The following SPICE1 variants were observed in gnomAD, a reference collection of about 807,000 sequenced individuals.
SPICE1 encodes spindle and centriole-associated protein 1.
Under a neutral mutation model 102.7 loss-of-function variants are expected in SPICE1, and 75 were observed. The ratio of observed to expected loss-of-function variants is 0.73; its 90% confidence interval spans 0.61 to 0.88. SPICE1 has a LOEUF of 0.88. Ranked by LOEUF, SPICE1 falls within the 40% of genes least tolerant of loss-of-function variation. The probability of loss-of-function intolerance (pLI) is 0.00; values close to 1 mark genes in which losing one functional copy is unlikely to be tolerated. For missense variants in SPICE1, 979 were observed against 1,020.1 expected (o/e 0.96, Z 0.55); for synonymous variants, 308 against 350.3 (o/e 0.88, Z 1.35).
intron 1 of SPICE1, among the ~76,000 whole-genome samples, chr3:113,511,199 T>C (rs1335552074): frequency 6.6e-6 from 1 of 152,224 alleles, no homozygotes; most frequent in Non-Finnish European, 1.5e-5. Flanking sequence ...GAAGACAGTG[T>C]GGCGATTCCT....
intron 11 of SPICE1, among the ~76,000 whole-genome samples, chr3:113,463,515 A>C (rs554093025): frequency 1.3e-5 from 2 of 152,364 alleles, no homozygotes; most frequent in Non-Finnish European, 2.9e-5. Flanking sequence ...AAATAACCCA[A>C]ATGTTCATTA....
At chr3:113,501,028 A>G (rs1004929275) in intron 3 of SPICE1, among the ~76,000 whole-genome samples, 1 of 152,228 alleles carries the variant, frequency 6.6e-6, no homozygotes, top group African/African-American at 2.4e-5. Flanking sequence ...AAACGACAGT[A>G]ATCAAGACAA....
At chr3:113,470,590 C>T (rs535430640) in intron 7 of SPICE1, among the ~76,000 whole-genome samples, 1 of 152,296 alleles carries the variant, frequency 6.6e-6, no homozygotes, top group South Asian at 2.1e-4. Flanking sequence ...TACAGACTAC[C>T]TTTCTCAGCC....
intron 1 of SPICE1, among the ~76,000 whole-genome samples, chr3:113,510,240 A>G (rs1459169264): frequency 1.3e-5 from 2 of 152,242 alleles, no homozygotes; most frequent in Non-Finnish European, 2.9e-5. Context: ...TTAAACTACC[A>G]TTAACATCTT....
chr3:113,493,343 G>T, intron 5 of SPICE1, 31 bp from the exon 6 acceptor site: 1 of 1,566,096 alleles, frequency 6.4e-7, no homozygotes, highest in Non-Finnish European at 8.8e-7. Context: ...GTGATGATTT[G>T]TTTCATTTAA....
chr3:113,477,679 T>C (rs573360426), intron 7 of SPICE1, among the ~76,000 whole-genome samples: 7 of 150,218 alleles, frequency 4.7e-5, no homozygotes, highest in East Asian at 2.0e-4. Flanking sequence ...AGTAAACTAT[T>C]GCAAGGACAA....
At chr3:113,476,153 G>C (rs1936340319) in intron 7 of SPICE1, among the ~76,000 whole-genome samples, 1 of 151,472 alleles carries the variant, frequency 6.6e-6, no homozygotes, top group African/African-American at 2.4e-5. Flanking sequence ...AGACAAAAGA[G>C]AGCCAAATCA....
chr3:113,498,523 C>G (rs1936943637), intron 4 of SPICE1, among the ~76,000 whole-genome samples: 1 of 152,156 alleles, frequency 6.6e-6, no homozygotes, highest in African/African-American at 2.4e-5. Flanking sequence ...TCCAAGATCA[C>G]CAAAAGATAC....
At chr3:113,471,627 A>G (rs934028672) in intron 7 of SPICE1, among the ~76,000 whole-genome samples, 1 of 152,378 alleles carries the variant, frequency 6.6e-6, no homozygotes, top group South Asian at 2.1e-4. Context: ...AATTGTAGCT[A>G]TAAGACAAAA....
intron 16 of SPICE1, among the ~76,000 whole-genome samples, chr3:113,447,623 A>T (rs1016892492): frequency 2.0e-5 from 3 of 152,202 alleles, no homozygotes; most frequent in African/African-American, 7.2e-5. Flanking sequence ...GTAGAGACAG[A>T]AAGGCCAGGT....
At chr3:113,486,865 A>G (rs1224448095) in intron 7 of SPICE1, among the ~76,000 whole-genome samples, 1 of 80,276 alleles carries the variant, frequency 1.2e-5, no homozygotes, top group Non-Finnish European at 2.5e-5. Flanking sequence ...ATAAGGAGAT[A>G]TATATATATA....
At chr3:113,485,175 TG>T (rs984665017) in intron 7 of SPICE1, among the ~76,000 whole-genome samples, 3 of 149,310 alleles carry the variant, frequency 2.0e-5, no homozygotes, top group Middle Eastern at 3.4e-3. Context: ...GAGTTTTGTT[TG>T]TTTTTTTTTT....
chr3:113,473,565 C>A (rs1936260921), intron 7 of SPICE1, among the ~76,000 whole-genome samples: 1 of 152,172 alleles, frequency 6.6e-6, no homozygotes, highest in Non-Finnish European at 1.5e-5. Context: ...AAAGGGAAGA[C>A]CATCAGACTA....
rs764979288 is a variant in SPICE1, at chr3:113,457,101, A to G, written c.1657+35T>C. On this transcript the variant is annotated intron_variant, in intron 13 of 17. Transcript: ENST00000295872. ...TACATTGCACAAATGAAACATTAAA[A>G]AACAACTTTCATGTAACTTTAGAAG... The G allele has an allele frequency of 3.8e-6, 6 of 1,595,014 alleles. No homozygotes were observed. In the South Asian group the frequency reaches 5.6e-5, roughly 15 times the overall value.
At chr3:113,473,378 G>C (rs1247302442) in intron 7 of SPICE1, among the ~76,000 whole-genome samples, 1 of 152,192 alleles carries the variant, frequency 6.6e-6, no homozygotes, top group Non-Finnish European at 1.5e-5. Context: ...TATTATCCAG[G>C]AGAACTTCCC....
chr3:113,478,007 A>T (rs957860982), intron 7 of SPICE1, among the ~76,000 whole-genome samples: 5 of 151,848 alleles, frequency 3.3e-5, no homozygotes, highest in African/African-American at 1.2e-4. Flanking sequence ...GACATACCTG[A>T]CAATGACATG....
chr3:113,498,261 G>A (rs1444251724), intron 4 of SPICE1, among the ~76,000 whole-genome samples: 1 of 152,018 alleles, frequency 6.6e-6, no homozygotes, highest in African/African-American at 2.4e-5. Flanking sequence ...TAGTGCCTGA[G>A]GCAGCAGATC....
At chr3:113,485,222 G>A (rs1254366321) in intron 7 of SPICE1, among the ~76,000 whole-genome samples, 1 of 151,024 alleles carries the variant, frequency 6.6e-6, no homozygotes, top group Non-Finnish European at 1.5e-5. Context: ...GAACGCCAGA[G>A]AGACAGAACT....
chr3:113,473,654 T>A (rs1384068927), intron 7 of SPICE1, among the ~76,000 whole-genome samples: 13 of 151,842 alleles, frequency 8.6e-5, no homozygotes, highest in Admixed American at 7.9e-4. Flanking sequence ...AGAAAAGAAT[T>A]TTCAACCCAG....
Sources: allele counts gnomAD v4.1 joint callset (sites outside exome capture counted in the v4.1 genomes callset), GRCh38; gene constraint gnomAD v4.1.1; transcripts MANE v1.5; gene names NCBI Gene and HGNC (gene_info 2026-07-23, HGNC 2026-07-21).